FAM120B: variants seen among roughly 807,000 people sequenced by gnomAD.
FAM120B encodes family with sequence similarity 120 member B.
In FAM120B, 83 loss-of-function variants were observed where a neutral mutation model predicts 96.3. The observed-to-expected ratio is 0.86, with a 90% CI of 0.72 to 1.03. FAM120B has a LOEUF of 1.03. Among genes scored for constraint, FAM120B ranks in the 50% least tolerant of loss-of-function variants. The pLI is 0.00. For missense variants in FAM120B, 1,027 were observed against 1,121.2 expected (o/e 0.92, Z 1.20); for synonymous variants, 407 against 402.7 (o/e 1.01, Z -0.13).
At position 170,370,863 on chromosome 6, in the gene FAM120B, A is replaced by T. The variant is rs1012221808; in HGVS notation, c.2283+12545A>T. Among the ~76,000 whole-genome samples the T allele has an allele frequency of 2.0e-5, 3 of 152,170 alleles. No individual in the cohort carries two copies. The highest frequency in any genetic ancestry group is 4.4e-5 in the Non-Finnish European group (3 of 68,026). ...TGTGCGTCTCTAACAGACGGGAGAT[A>T]CTGCAGTAGAATTTGCAGCACTTGG... On this transcript the variant is annotated intron_variant, in intron 6 of 10. Transcript: ENST00000476287. The surrounding 1 kb of genome is among the most constrained non-coding windows in gnomAD (Gnocchi z 4.3).
intron 6 of FAM120B, among the ~76,000 whole-genome samples, chr6:170,360,115 T>C (rs1788242877): frequency 6.6e-6 from 1 of 152,176 alleles, no homozygotes; most frequent in South Asian, 2.1e-4. Flanking sequence ...AAAGGAACCC[T>C]GGGTCCTGTT....
intron 9 of FAM120B, among the ~76,000 whole-genome samples, chr6:170,396,639 C>G (rs1050109936): frequency 1.3e-5 from 2 of 152,114 alleles, no homozygotes; most frequent in African/African-American, 4.8e-5. Context: ...CCACTGAACA[C>G]GTGCAGTCCA....
intron 4 of FAM120B, among the ~76,000 whole-genome samples, chr6:170,335,147 G>A (rs557036448): frequency 6.1e-4 from 93 of 151,254 alleles, no homozygotes; most frequent in South Asian, 4.0e-3. Context: ...CTATCAACCC[G>A]TCATCTAGGT....
upstream of FAM120B, among the ~76,000 whole-genome samples, chr6:170,294,978 A>AAAG (rs138687897): frequency 2.4e-4 from 36 of 152,236 alleles, no homozygotes; most frequent in Middle Eastern, 3.4e-3. The surrounding 1 kb of genome is among the most constrained non-coding windows in gnomAD (Gnocchi z 7.9). Flanking sequence ...TACTTGAAAT[A>AAAG]AAGAAGAAGA....
At chr6:170,386,280 T>A (rs555145127) in intron 6 of FAM120B, among the ~76,000 whole-genome samples, 1 of 152,256 alleles carries the variant, frequency 6.6e-6, no homozygotes, top group East Asian at 1.9e-4. Flanking sequence ...TCTAAAAACA[T>A]AAAGTCCTTT....
intron 5 of FAM120B, among the ~76,000 whole-genome samples, chr6:170,351,615 A>C (rs1787587863): frequency 6.6e-6 from 1 of 152,260 alleles, no homozygotes; most frequent in Non-Finnish European, 1.5e-5. Flanking sequence ...AAACCCTACA[A>C]GCCAGAAGAG....
In FAM120B at chr6:170,358,105, C is replaced by T. The variant is rs533167363; in HGVS notation, c.2191-121C>T. On this transcript the variant is annotated intron_variant, in intron 5 of 10. Coordinates refer to ENST00000476287, the MANE Select transcript of FAM120B (RefSeq NM_032448.3). ...GTGGGTGCCTGTGCGTGTGCCTGTA[C>T]GTGCCTGTGTGTGCATGTTTGCGCC... is the stretch of plus-strand genomic sequence containing the variant. 38 of 787,742 alleles carry T rather than the reference C, an allele frequency of 4.8e-5. No individual in the cohort carries two copies. The South Asian group carries it at 5.7e-4, about 12-fold the overall frequency. The allele number at this position is 787,742 out of a possible 1,614,324, so 48.8% of individuals were successfully genotyped here.
At position 170,318,842 on chromosome 6, in the gene FAM120B, A is replaced by C; in HGVS notation, c.1452A>C (p.Glu484Asp). 6.2e-7 allele frequency: 1 copy of C among 1,614,250 alleles called. No homozygotes were observed. The highest frequency in any genetic ancestry group is 8.5e-7 in the Non-Finnish European group (1 of 1,180,050). Residue 484 changes from glutamate (E) to aspartate (D), a missense_variant, in exon 2 of 11, where the codon GAA becomes GAC. By Grantham distance (45) the Glu-to-Asp change is conservative (BLOSUM62 2). Coordinates refer to ENST00000476287, the MANE Select transcript of FAM120B (RefSeq NM_032448.3). Reference protein sequence around the residue: ...PMYTGPESRQEVLIRTDPESR... With the variant: ...PMYTGPESRQDVLIRTDPESR... ...ATACAGGCCCTGAATCCAGGCAAGA[A>C]GTTTTAATACGGACAGACCCTGAAT...
intron 5 of FAM120B, among the ~76,000 whole-genome samples, chr6:170,349,554 T>TA (rs1787438656): frequency 6.6e-6 from 1 of 152,242 alleles, no homozygotes; most frequent in African/African-American, 2.4e-5. Flanking sequence ...TTAGAGGATT[T>TA]ATTGCTTCAT....
intron 7 of FAM120B, 99 bp from the exon 8 acceptor site, chr6:170,390,912 CAG>C (rs1790446047): frequency 2.2e-6 from 2 of 894,032 alleles, no homozygotes; most frequent in Non-Finnish European, 3.7e-6. Context: ...GCCTTGGGAA[CAG>C]TGTGGAAGGG....
intron 6 of FAM120B, among the ~76,000 whole-genome samples, chr6:170,368,925 A>C (rs1428360332): frequency 6.6e-6 from 1 of 151,958 alleles, no homozygotes; most frequent in East Asian, 1.9e-4. Flanking sequence ...CTGCTTTGGT[A>C]GGGTGCCCCC....
chr6:170,369,883 C>T (rs1483955961), intron 6 of FAM120B, among the ~76,000 whole-genome samples: 1 of 152,082 alleles, frequency 6.6e-6, no homozygotes, highest in Non-Finnish European at 1.5e-5. Flanking sequence ...AATTAATTGT[C>T]AGTTTGCTGA....
chr6:170,380,806 A>G (rs1789859395), intron 6 of FAM120B, among the ~76,000 whole-genome samples: 1 of 151,980 alleles, frequency 6.6e-6, no homozygotes, highest in Admixed American at 6.6e-5. Context: ...CTGCCTTTTC[A>G]TTTACTTCAT....
At chr6:170,368,148 A>G (rs930574759) in intron 6 of FAM120B, among the ~76,000 whole-genome samples, 1 of 152,222 alleles carries the variant, frequency 6.6e-6, no homozygotes, top group African/African-American at 2.4e-5. Flanking sequence ...CCTTAGAGAC[A>G]GTTCAGTCAA....
chr6:170,373,271 G>A (rs1327848203), intron 6 of FAM120B, among the ~76,000 whole-genome samples: 1 of 152,124 alleles, frequency 6.6e-6, no homozygotes, highest in Non-Finnish European at 1.5e-5. Context: ...CAAAATACAG[G>A]CTACTTTTAT....
intron 1 of FAM120B, among the ~76,000 whole-genome samples, chr6:170,296,433 G>A (rs1258570313): frequency 1.3e-5 from 2 of 151,964 alleles, no homozygotes; most frequent in Non-Finnish European, 2.9e-5. Context: ...GGTCATCCCT[G>A]GGCCACTGCG....
upstream of FAM120B, among the ~76,000 whole-genome samples, chr6:170,304,177 C>T (rs1416395855): frequency 6.6e-6 from 1 of 152,208 alleles, no homozygotes; most frequent in Non-Finnish European, 1.5e-5. Context: ...ACATCCTACC[C>T]ACAAACAGCT....
intron 6 of FAM120B, among the ~76,000 whole-genome samples, chr6:170,378,096 T>TA (rs1789678511): frequency 6.6e-6 from 1 of 152,224 alleles, no homozygotes. Context: ...TAATACCTGA[T>TA]AGAGTTGCCA....
At chr6:170,403,650 TTTAACCTC>T (rs1266023463) in intron 9 of FAM120B, among the ~76,000 whole-genome samples, 1 of 152,010 alleles carries the variant, frequency 6.6e-6, no homozygotes, top group African/African-American at 2.4e-5. Flanking sequence ...GTGAGAAGGC[TTTAACCTC>T]TTCCTTGCTG....
Sources: allele counts gnomAD v4.1 joint callset (sites outside exome capture counted in the v4.1 genomes callset), GRCh38; gene constraint gnomAD v4.1.1; non-coding constraint Gnocchi (gnomAD v3.1); transcripts MANE v1.5; gene names NCBI Gene and HGNC (gene_info 2026-07-23, HGNC 2026-07-21).